Variants in DLC1 observed in about 807,000 individuals in gnomAD.
DLC1 encodes rho GTPase-activating protein 7.
DLC1 carries 54 observed loss-of-function variants against 140.3 expected under a neutral mutation model. That is an observed-to-expected ratio of 0.38 (90% CI 0.31 to 0.48). The LOEUF is 0.48. DLC1 is among the 20% of genes least tolerant of loss of function. The probability of loss-of-function intolerance (pLI) is 0.96; values close to 1 mark genes in which losing one functional copy is unlikely to be tolerated. For missense variants in DLC1, 2,536 were observed against 1,907.0 expected, an observed-to-expected ratio of 1.33 and a Z score of -6.14; for synonymous variants, 986 against 728.1, an observed-to-expected ratio of 1.35 and a Z score of -5.70.
At chr8:13,513,347 C>T (rs1194855521) in intron 1 of DLC1, among the ~76,000 whole-genome samples, 1 of 151,984 alleles carries the variant, frequency 6.6e-6, no homozygotes, top group Non-Finnish European at 1.5e-5. Context: ...TTCTTTTTCT[C>T]ATATTTAAGA....
chr8:13,284,690 G>C (rs925602420), intron 5 of DLC1, among the ~76,000 whole-genome samples: 7 of 151,924 alleles, frequency 4.6e-5, no homozygotes, highest in African/African-American at 1.7e-4. Context: ...AGTTTAGCAA[G>C]ATCACAGGAT....
chr8:13,280,611 A>G (rs1450017479), intron 5 of DLC1, among the ~76,000 whole-genome samples: 1 of 152,190 alleles, frequency 6.6e-6, no homozygotes, highest in Non-Finnish European at 1.5e-5. Context: ...TTTTAATTTT[A>G]TAGTGTTTCT....
intron 5 of DLC1, among the ~76,000 whole-genome samples, chr8:13,148,408 T>C (rs930553238): frequency 6.6e-6 from 1 of 152,200 alleles, no homozygotes; most frequent in African/African-American, 2.4e-5. Context: ...TCCTGTTAGT[T>C]TGCTGAGGAT....
chr8:13,533,711 G>T (rs1803177013), intron 1 of DLC1, among the ~76,000 whole-genome samples: 1 of 152,106 alleles, frequency 6.6e-6, no homozygotes, highest in African/African-American at 2.4e-5. Flanking sequence ...TTGACTCTGT[G>T]TCCCCACCCA....
intron 1 of DLC1, among the ~76,000 whole-genome samples, chr8:13,593,032 C>T (rs143548953): frequency 8.3e-4 from 126 of 152,156 alleles, no homozygotes; most frequent in Non-Finnish European, 1.5e-3. Flanking sequence ...TTAGCTTTGG[C>T]GTATGAATAA....
At chr8:13,484,715 G>A (rs1800885016) in intron 2 of DLC1, among the ~76,000 whole-genome samples, 1 of 151,968 alleles carries the variant, frequency 6.6e-6, no homozygotes, top group Non-Finnish European at 1.5e-5. Context: ...CTGCCCAGAA[G>A]GAACTAATGG....
chr8:13,244,617 G>A (rs1278783746), intron 5 of DLC1, among the ~76,000 whole-genome samples: 3 of 151,882 alleles, frequency 2.0e-5, no homozygotes, highest in Non-Finnish European at 4.4e-5. Flanking sequence ...ACATTTATCT[G>A]CCACTCTCCT....
At chr8:13,194,287 A>G (rs1010174496) in intron 5 of DLC1, among the ~76,000 whole-genome samples, 1 of 152,246 alleles carries the variant, frequency 6.6e-6, no homozygotes, top group Non-Finnish European at 1.5e-5. Context: ...CCTTATGCCA[A>G]TAGCTATGTG....
At chr8:13,116,869 G>A (rs1820599088) in intron 5 of DLC1, among the ~76,000 whole-genome samples, 1 of 152,152 alleles carries the variant, frequency 6.6e-6, no homozygotes, top group Non-Finnish European at 1.5e-5. Context: ...AAATAGCATG[G>A]CAAAGTTAAC....
intron 1 of DLC1, among the ~76,000 whole-genome samples, chr8:13,542,004 T>G (rs1223204332): frequency 6.6e-6 from 1 of 152,252 alleles, no homozygotes; most frequent in Non-Finnish European, 1.5e-5. Context: ...TTTCTTCCAG[T>G]CTGTGGTTTT....
chr8:13,100,867 C>A, intron 8 of DLC1, 97 bp from the exon 9 acceptor site: 184 of 1,033,638 alleles, frequency 1.8e-4, no homozygotes, highest in Non-Finnish European at 2.3e-4. Flanking sequence ...CCAGTAGTAT[C>A]AATTTCCCCC....
intron 2 of DLC1, among the ~76,000 whole-genome samples, chr8:13,411,381 G>C (rs191144286): frequency 1.3e-5 from 2 of 152,268 alleles, no homozygotes; most frequent in East Asian, 3.9e-4. Flanking sequence ...AGGGTAAGAA[G>C]GCTACCAAGA....
At chr8:13,572,091 A>T (rs78944902) in intron 1 of DLC1, among the ~76,000 whole-genome samples, 2,220 of 56,316 alleles carry the variant, frequency 0.039, 19 homozygotes, top group Non-Finnish European at 0.05. Flanking sequence ...TATTATTATT[A>T]TTTATTTTTT....
intron 2 of DLC1, among the ~76,000 whole-genome samples, chr8:13,451,758 C>T (rs1387836110): frequency 6.6e-6 from 1 of 152,124 alleles, no homozygotes; most frequent in Non-Finnish European, 1.5e-5. Context: ...GTTCTTTATT[C>T]ATTCATGTGT....
chr8:13,294,384 A>G (rs975182227), intron 5 of DLC1, among the ~76,000 whole-genome samples: 10 of 152,246 alleles, frequency 6.6e-5, no homozygotes, highest in South Asian at 2.1e-4. Context: ...CAGTCCATCA[A>G]TGATCAAGTA....
chr8:13,258,119 C>G (rs1427531148), intron 5 of DLC1, among the ~76,000 whole-genome samples: 1 of 152,158 alleles, frequency 6.6e-6, no homozygotes, highest in Non-Finnish European at 1.5e-5. Flanking sequence ...AATCACCCAG[C>G]AAATCACAAG....
intron 5 of DLC1, among the ~76,000 whole-genome samples, chr8:13,201,635 A>G (rs1024492217): frequency 6.6e-6 from 1 of 152,068 alleles, no homozygotes; most frequent in Non-Finnish European, 1.5e-5. Flanking sequence ...AGAAAAAGCA[A>G]TTTGTGTCAC....
At chr8:13,295,008 C>T (rs1831894045) in intron 5 of DLC1, among the ~76,000 whole-genome samples, 1 of 152,168 alleles carries the variant, frequency 6.6e-6, no homozygotes, top group African/African-American at 2.4e-5. Context: ...CAAACTTCAA[C>T]CGAAACATCT....
rs425115 is a variant in DLC1, at chr8:13,451,061, A to G, written c.1023+47988T>C. On this transcript the variant is annotated intron_variant, in intron 2 of 17. Coordinates refer to ENST00000276297, the MANE Select transcript of DLC1 (RefSeq NM_182643.3). ...TCAAAAAAAAAAAAAAAAAAAAAAA[A>G]AAAAAAAGAAAAAAAGAAAAAGGAT... Among the ~76,000 whole-genome samples the G allele has an allele frequency of 6.9e-3, 956 of 138,296 alleles. 2 individuals carry two copies. Among genetic ancestry groups the G allele is most frequent in the African/African-American group, 0.027 (903 of 33,668 alleles). 90.7% of individuals were successfully genotyped at this position (138,296 alleles called of 152,430 possible). A position where few individuals can be genotyped will look rare whatever the true frequency, so the allele number is the denominator to read the frequency against.
Sources: gnomAD v4.1 joint callset for allele counts (sites outside exome capture counted in the v4.1 genomes callset) on GRCh38, gnomAD v4.1.1 for gene constraint, MANE v1.5 for transcripts, NCBI Gene and HGNC (gene_info 2026-07-23, HGNC 2026-07-21) for gene names.